The following XXYLT1 variants were observed in gnomAD, a reference collection of about 807,000 sequenced individuals.
The protein encoded by XXYLT1 is xyloside xylosyltransferase 1.
In XXYLT1, 20 loss-of-function variants were observed where a neutral mutation model predicts 28.9. The observed-to-expected ratio is 0.69, with a 90% CI of 0.49 to 1.00. The LOEUF is 1.00. Among genes scored for constraint, XXYLT1 ranks in the 50% least tolerant of loss-of-function variants. The probability of loss-of-function intolerance (pLI) is 0.00; values close to 1 mark genes in which losing one functional copy is unlikely to be tolerated. For synonymous variants in XXYLT1, 257 were observed against 253.8 expected, an observed-to-expected ratio of 1.01 and a Z score of -0.12; for missense variants, 542 against 560.1, an observed-to-expected ratio of 0.97 and a Z score of 0.33.
At chr3:195,143,784 T>TTATATATATATATA (rs3073320) in intron 3 of XXYLT1, among the ~76,000 whole-genome samples, 2 of 113,958 alleles carry the variant, frequency 1.8e-5, no homozygotes, top group Non-Finnish European at 3.4e-5. Context: ...TGTTCTCTCA[T>TTATATATATATATA]TATATATATA....
rs1007396795 is a variant in XXYLT1, at chr3:195,226,694, G to A, written c.652+15C>T. 12 of 1,609,844 alleles carry A rather than the reference G, an allele frequency of 7.5e-6. No homozygotes were observed. The highest frequency in any genetic ancestry group is 1.7e-5 in the Admixed American group (1 of 58,666). On this transcript the variant is annotated intron_variant, in intron 2 of 3. Transcript: ENST00000310380. ...CAGACACCCAGGGGCTATTGCTCCT[G>A]GAAGCCCAGGTTACCTTTGGGCATG...
chr3:195,139,781 C>T (rs1719391074), intron 3 of XXYLT1, among the ~76,000 whole-genome samples: 1 of 152,242 alleles, frequency 6.6e-6, no homozygotes, highest in Non-Finnish European at 1.5e-5. Flanking sequence ...GTGAGTTTCA[C>T]AATGGGAGCC....
Position 195,150,452 on chromosome 3 carries a change from C to T in XXYLT1, c.785+5997G>A, listed in dbSNP as rs938848669. On this transcript the variant is annotated intron_variant, in intron 3 of 3. Transcript: ENST00000310380. This position sits in a 1 kb window ranked among gnomAD's most constrained non-coding sequence, Gnocchi z 4.7. ...CCTGCAGAGAAGCTTTCCTTCCGAGCGTCTGGAAGAACCCGAGGCTGGCAC... is the reference window on the plus strand; with the variant it reads ...CCTGCAGAGAAGCTTTCCTTCCGAGTGTCTGGAAGAACCCGAGGCTGGCAC... 5.9e-5 allele frequency among the ~76,000 whole-genome samples: 9 copies of T among 152,314 alleles called. No individual in the cohort carries two copies. The highest frequency in any genetic ancestry group is 2.2e-4 in the African/African-American group (9 of 41,558).
In XXYLT1 at chr3:195,143,825, T is replaced by C. The variant is rs1038597043; in HGVS notation, c.785+12624A>G. ...AGATAGATATATATAGATATAGATA[T>C]ATATAGATATAGATATAGATATATA... On this transcript the variant is annotated intron_variant, in intron 3 of 3. Transcript: ENST00000310380. Among the ~76,000 whole-genome samples the C allele has an allele frequency of 3.9e-4, 37 of 93,858 alleles. 4 individuals are homozygous for C. Among genetic ancestry groups the C allele is most frequent in the African/African-American group, 1.5e-3 (37 of 24,990 alleles). 61.6% of individuals were successfully genotyped at this position (93,858 alleles called of 152,430 possible).
intron 3 of XXYLT1, among the ~76,000 whole-genome samples, chr3:195,084,286 G>A (rs1304971605): frequency 1.3e-5 from 2 of 152,134 alleles, no homozygotes; most frequent in Non-Finnish European, 2.9e-5. Flanking sequence ...GGGTGAGGAT[G>A]GGAAGATGGC....
chr3:195,178,740 G>A (rs545269842), intron 2 of XXYLT1, among the ~76,000 whole-genome samples: 4 of 152,206 alleles, frequency 2.6e-5, no homozygotes, highest in Non-Finnish European at 4.4e-5. Flanking sequence ...TCAGAAGCAG[G>A]TATCTGGAGA....
chr3:195,070,982 G>A (rs915214302), intron 3 of XXYLT1, among the ~76,000 whole-genome samples: 1 of 152,208 alleles, frequency 6.6e-6, no homozygotes, highest in Admixed American at 6.5e-5. Context: ...CTTCCATCTG[G>A]AGGGGAGAAG....
intron 3 of XXYLT1, among the ~76,000 whole-genome samples, chr3:195,109,462 T>G (rs1247026289): frequency 6.6e-6 from 1 of 151,214 alleles, no homozygotes; most frequent in Non-Finnish European, 1.5e-5. Context: ...TGTGCGTGTA[T>G]GTGGTATATG....
chr3:195,234,191 A>G (rs1203569919), intron 1 of XXYLT1, among the ~76,000 whole-genome samples: 1 of 151,482 alleles, frequency 6.6e-6, no homozygotes, highest in Non-Finnish European at 1.5e-5. Context: ...TGCTGGGATT[A>G]CAGGCGTGAG....
intron 3 of XXYLT1, among the ~76,000 whole-genome samples, chr3:195,120,064 T>C (rs897144541): frequency 6.6e-6 from 1 of 152,216 alleles, no homozygotes; most frequent in Non-Finnish European, 1.5e-5. Context: ...AAAACTCACA[T>C]GCTGTCTCTT....
chr3:195,134,292 C>T (rs1421281279), intron 3 of XXYLT1, among the ~76,000 whole-genome samples: 2 of 152,166 alleles, frequency 1.3e-5, no homozygotes, highest in Non-Finnish European at 2.9e-5. Flanking sequence ...TGCAAAGTAA[C>T]GTCCCAGGCC....
intron 3 of XXYLT1, chr3:195,121,994 G>A: frequency 1.4e-6 from 1 of 701,744 alleles, no homozygotes; most frequent in Non-Finnish European, 2.6e-6. Context: ...CACAGACTGG[G>A]TGCCCATAAA....
chr3:195,081,682 A>T (rs1715442900), intron 3 of XXYLT1, among the ~76,000 whole-genome samples: 1 of 152,224 alleles, frequency 6.6e-6, no homozygotes, highest in Non-Finnish European at 1.5e-5. Context: ...CTGCCGAGAA[A>T]ATGTTATGAG....
At chr3:195,106,395 C>A (rs1309329197) in intron 3 of XXYLT1, among the ~76,000 whole-genome samples, 1 of 151,032 alleles carries the variant, frequency 6.6e-6, no homozygotes, top group Non-Finnish European at 1.5e-5. Context: ...CACCCCCAAC[C>A]CCCTGAAAGG....
chr3:195,165,667 G>T (rs893761252), intron 2 of XXYLT1, among the ~76,000 whole-genome samples: 1 of 152,070 alleles, frequency 6.6e-6, no homozygotes, highest in Non-Finnish European at 1.5e-5. Context: ...ATGGTCAAAT[G>T]GCTCTTCAGC....
intron 3 of XXYLT1, among the ~76,000 whole-genome samples, chr3:195,101,411 A>G (rs1716765022): frequency 2.0e-5 from 3 of 152,248 alleles, no homozygotes; most frequent in Admixed American, 1.3e-4. Flanking sequence ...ATGGGTAAAC[A>G]CATCCTCTTT....
At position 195,100,426 on chromosome 3, in the gene XXYLT1, C is replaced by T. The variant is rs912148033; in HGVS notation, c.786-30315G>A. Among the ~76,000 whole-genome samples the T allele has an allele frequency of 5.3e-5, 8 of 152,176 alleles. No homozygotes were observed. The East Asian group carries it at 5.8e-4, about 11-fold the overall frequency. On this transcript the variant is annotated intron_variant, in intron 3 of 3. Coordinates refer to ENST00000310380, the MANE Select transcript of XXYLT1 (RefSeq NM_152531.5). The stretch of plus-strand genomic sequence containing the variant: ...GACACATTTAGCACACACATCACAG[C>T]GCCTCCCCCAGAAGGCAGGCATCTG...
intron 3 of XXYLT1, among the ~76,000 whole-genome samples, chr3:195,128,550 T>A (rs1048147343): frequency 1.3e-5 from 2 of 152,198 alleles, no homozygotes; most frequent in African/African-American, 4.8e-5. Context: ...CCAGCACTCT[T>A]ACCTGCACAC....
intron 1 of XXYLT1, among the ~76,000 whole-genome samples, chr3:195,262,985 C>T (rs3732717): frequency 0.013 from 2,025 of 150,698 alleles, 27 homozygotes; most frequent in African/African-American, 0.041. Context: ...CTTTTCCAGA[C>T]CATCATCAAA....
Sources: allele counts gnomAD v4.1 joint callset (sites outside exome capture counted in the v4.1 genomes callset), GRCh38; gene constraint gnomAD v4.1.1; non-coding constraint Gnocchi (gnomAD v3.1); transcripts MANE v1.5; gene names NCBI Gene and HGNC (gene_info 2026-07-23, HGNC 2026-07-21).